Variants in DEF6 observed in about 807,000 individuals in gnomAD.
DEF6 encodes the protein differentially expressed in FDCP 6 homolog.
DEF6 carries 32 observed loss-of-function variants against 80.5 expected under a neutral mutation model. That is an observed-to-expected ratio of 0.40 (90% CI 0.30 to 0.53). The LOEUF (loss-of-function observed/expected upper bound fraction) is 0.53. Ranked by LOEUF, DEF6 falls within the 20% of genes least tolerant of loss-of-function variation. The probability of loss-of-function intolerance (pLI) is 0.57; values close to 1 mark genes in which losing one functional copy is unlikely to be tolerated. For synonymous variants in DEF6, 300 were observed against 337.9 expected (o/e 0.89, Z 1.23); for missense variants, 575 against 818.7 (o/e 0.70, Z 3.63).
At chr6:35,317,116 C>T (rs1352015987) in intron 5 of DEF6, among the ~76,000 whole-genome samples, 1 of 48,490 alleles carries the variant, frequency 2.1e-5, no homozygotes, top group East Asian at 3.7e-4. Flanking sequence ...CATTTCCTTA[C>T]CAACAGTTGT....
intron 1 of DEF6, among the ~76,000 whole-genome samples, chr6:35,308,128 A>G (rs1008915343): frequency 6.6e-6 from 1 of 152,212 alleles, no homozygotes; most frequent in Non-Finnish European, 1.5e-5. Flanking sequence ...TTTCAACCTC[A>G]GCTCTGCCAT....
At chr6:35,314,252 AC>A (rs1408247116) in intron 5 of DEF6, among the ~76,000 whole-genome samples, 1 of 152,066 alleles carries the variant, frequency 6.6e-6, no homozygotes, top group African/African-American at 2.4e-5. Flanking sequence ...TACTAAAAAT[AC>A]AAAAATCAGC....
rs757924293 is a variant in DEF6, at chr6:35,312,805, A to G, written c.807+33A>G. On this transcript the variant is annotated intron_variant, in intron 5 of 10. Transcript: ENST00000316637. The surrounding 1 kb of genome is among the most constrained non-coding windows in gnomAD (Gnocchi z 6.6). ...GCAGGATGGGGGTGGAGGACATCTC[A>G]GGGCCCAGAGTGTCCTCAGGGGCAT... 5 of 1,522,572 alleles carry G rather than the reference A, an allele frequency of 3.3e-6. No individual in the cohort carries two copies. The Admixed American group carries it at 5.4e-5, about 16-fold the overall frequency. 94.3% of individuals were successfully genotyped at this position (1,522,572 alleles called of 1,614,324 possible). A position where few individuals can be genotyped will look rare whatever the true frequency, so the allele number is the denominator to read the frequency against.
At chr6:35,313,170 TTC>T (rs561652108) in intron 5 of DEF6, among the ~76,000 whole-genome samples, 21 of 150,980 alleles carry the variant, frequency 1.4e-4, no homozygotes, top group Non-Finnish European at 1.5e-5. Flanking sequence ...TGTCTTCCCC[TTC>T]TGTTTCCTCC....
In DEF6 at chr6:35,319,799, A is replaced by G. The variant is rs1791566837; in HGVS notation, c.1383-20A>G. ...GGTGCCTTGGCACTAGAGGCTACAC[A>G]GTACACACTCACCCGGCAGACTGCT... On this transcript the variant is annotated intron_variant, in intron 8 of 10. Coordinates refer to ENST00000316637, the MANE Select transcript of DEF6 (RefSeq NM_022047.4). The surrounding 1 kb of genome is among the most constrained non-coding windows in gnomAD (Gnocchi z 4.5). The G allele has an allele frequency of 6.2e-7, 1 of 1,605,518 alleles. No homozygotes were observed.
At chr6:35,299,505 G>A (rs1791284558) in intron 1 of DEF6, among the ~76,000 whole-genome samples, 1 of 151,918 alleles carries the variant, frequency 6.6e-6, no homozygotes, top group Non-Finnish European at 1.5e-5. Context: ...CCTTTTCCTG[G>A]TGCCATCAGC....
At position 35,321,354 on chromosome 6, in the gene DEF6, C is replaced by T. The variant is rs1340880775; in HGVS notation, c.1840C>T (p.Pro614Ser). The T allele has an allele frequency of 1.2e-6, 2 of 1,614,138 alleles. No homozygotes were observed. The highest frequency in any genetic ancestry group is 1.1e-5 in the South Asian group (1 of 91,084). Residue 614 changes from proline to serine, a missense_variant, in exon 11 of 11, where the codon CCT (proline) becomes TCT (serine). Physicochemically the swap from Pro to Ser is moderately conservative, Grantham distance 74 (BLOSUM62 -1). Transcript: ENST00000316637. ...GTCCCTCAATGGTGGGGATGAGGCT[C>T]CTGCCCCGGCTTCCACCCCTCAGGA... ...QKSLNGGDEAPAPASTPQEDK... is the reference protein window; with the variant it reads ...QKSLNGGDEASAPASTPQEDK...
chr6:35,319,478 G>GC lies in DEF6; in HGVS notation c.1216-42dup. 1 of 1,507,164 alleles carries GC rather than the reference G, an allele frequency of 6.6e-7. No individual in the cohort carries two copies. Among genetic ancestry groups the GC allele is most frequent in the Non-Finnish European group, 9.0e-7 (1 of 1,114,028 alleles). The allele number at this position is 1,507,164 out of a possible 1,614,324, so 93.4% of individuals were successfully genotyped here. A position where few individuals can be genotyped will look rare whatever the true frequency, so the allele number is the denominator to read the frequency against. On this transcript the variant is annotated intron_variant, in intron 7 of 10. Coordinates refer to ENST00000316637, the MANE Select transcript of DEF6 (RefSeq NM_022047.4). The surrounding 1 kb of genome is among the most constrained non-coding windows in gnomAD (Gnocchi z 4.5). ...ACCCCCTCCTCCTCCGCCCCCACGTGCCCCTTTTGACCTGGCTCTTGGTCC... is the reference window on the plus strand; with the variant it reads ...ACCCCCTCCTCCTCCGCCCCCACGTGCCCCCTTTTGACCTGGCTCTTGGTCC...
Position 35,321,357 on chromosome 6 carries a change from G to T in DEF6, c.1843G>T (p.Ala615Ser). 1.2e-6 allele frequency: 2 copies of T among 1,614,076 alleles called. No individual in the cohort carries two copies. Among genetic ancestry groups the T allele is most frequent in the Non-Finnish European group, 1.7e-6 (2 of 1,179,990 alleles). Residue 615 changes from alanine (A) to serine (S), a missense_variant, in exon 11 of 11, where the codon GCC becomes TCC. Transcript: ENST00000316637. The stretch of plus-strand genomic sequence containing the variant: ...CCTCAATGGTGGGGATGAGGCTCCT[G>T]CCCCGGCTTCCACCCCTCAGGAAGA... The part of the protein sequence containing the change: ...KSLNGGDEAP[A>S]PASTPQEDKL...
intron 5 of DEF6, among the ~76,000 whole-genome samples, chr6:35,315,025 C>G (rs932967198): frequency 6.6e-6 from 1 of 152,162 alleles, no homozygotes; most frequent in Non-Finnish European, 1.5e-5. Context: ...ATTGAAAGGA[C>G]TGTTCTTTCC....
intron 1 of DEF6, among the ~76,000 whole-genome samples, chr6:35,298,481 G>A (rs1487641331): frequency 6.6e-6 from 1 of 152,172 alleles, no homozygotes; most frequent in East Asian, 1.9e-4. Flanking sequence ...TGCGGAGTGG[G>A]TGAGGACTGA....
In DEF6 at chr6:35,318,525, A is replaced by C. The variant is rs1791550849; in HGVS notation, c.1215+54A>C. 1 of 1,349,442 alleles carries C rather than the reference A, an allele frequency of 7.4e-7. No homozygotes were observed. The highest frequency in any genetic ancestry group is 9.5e-7 in the Non-Finnish European group (1 of 1,057,836). The allele number at this position is 1,349,442 out of a possible 1,614,324, so 83.6% of individuals were successfully genotyped here. On this transcript the variant is annotated intron_variant, in intron 7 of 10. Transcript: ENST00000316637. This position sits in a 1 kb window ranked among gnomAD's most constrained non-coding sequence, Gnocchi z 5.1. ...GGACCGGTGGGCTGGGAGGCTGGCC[A>C]GGGGCGGAGCGCCGGGGGCGGGGCC...
intron 2 of DEF6, among the ~76,000 whole-genome samples, chr6:35,310,192 G>A (rs1011758441): frequency 1.3e-5 from 2 of 152,150 alleles, no homozygotes; most frequent in African/African-American, 2.4e-5. Flanking sequence ...GCTTCCTGCT[G>A]GGTTTCTCCT....
intron 1 of DEF6, among the ~76,000 whole-genome samples, chr6:35,309,091 A>G (rs1011901076): frequency 2.0e-5 from 3 of 152,188 alleles, no homozygotes; most frequent in Non-Finnish European, 4.4e-5. Flanking sequence ...GGTGATAGGC[A>G]CACTGCAGCC....
At position 35,312,464 on chromosome 6, in the gene DEF6, G is replaced by A; in HGVS notation, c.586G>A (p.Gly196Ser). The change falls in exon 4 of 11, where the codon GGC becomes AGC. Residue 196 changes from glycine (G) to serine (S), a missense_variant. By Grantham distance (56) the Gly-to-Ser change is moderately conservative (BLOSUM62 0). Transcript: ENST00000316637. This position sits in a 1 kb window ranked among gnomAD's most constrained non-coding sequence, Gnocchi z 6.6. ...ELFNSGRCLRGVGRDTLSMAI... is the reference protein window; with the variant it reads ...ELFNSGRCLRSVGRDTLSMAI... ...CTTCAATTCGGGCCGCTGCCTGCGG[G>A]GCGTGGGCCGGGACACCCTCAGCAT... 1.2e-6 allele frequency: 2 copies of A among 1,614,170 alleles called. No homozygotes were observed. The highest frequency in any genetic ancestry group is 1.7e-6 in the Non-Finnish European group (2 of 1,180,042).
chr6:35,319,726 C>A lies in DEF6; in HGVS notation c.1382+36C>A, dbSNP rs1791565781. The A allele has an allele frequency of 1.2e-6, 2 of 1,607,674 alleles. No homozygotes were observed. Among genetic ancestry groups the A allele is most frequent in the Non-Finnish European group, 1.7e-6 (2 of 1,175,430 alleles). On this transcript the variant is annotated intron_variant, in intron 8 of 10. Coordinates refer to ENST00000316637, the MANE Select transcript of DEF6 (RefSeq NM_022047.4). This position sits in a 1 kb window ranked among gnomAD's most constrained non-coding sequence, Gnocchi z 4.5. ...GGAACCTCTTCTGGTTCTCTCACCA[C>A]CCCTCCTGGAACACACCCCAGTTTT...
intron 10 of DEF6, 68 bp downstream of exon 10, chr6:35,321,042 C>T: frequency 6.3e-7 from 1 of 1,583,332 alleles, no homozygotes; most frequent in Non-Finnish European, 8.7e-7. Flanking sequence ...AAAGGTCTCC[C>T]TGGGAGACCT....
chr6:35,304,217 A>T (rs934346979), intron 1 of DEF6, among the ~76,000 whole-genome samples: 1 of 152,208 alleles, frequency 6.6e-6, no homozygotes, highest in African/African-American at 2.4e-5. Flanking sequence ...GCTACTCAGG[A>T]GGCTGATATG....
At chr6:35,317,743 T>G in intron 5 of DEF6, 148 bp from the exon 6 acceptor site, 1 of 605,496 alleles carries the variant, frequency 1.7e-6, no homozygotes, top group Non-Finnish European at 2.8e-6. Context: ...CCATAACTTA[T>G]GATGCAAGCC....
Sources: allele counts gnomAD v4.1 joint callset (sites outside exome capture counted in the v4.1 genomes callset), GRCh38; gene constraint gnomAD v4.1.1; non-coding constraint Gnocchi (gnomAD v3.1); transcripts MANE v1.5; gene names NCBI Gene and HGNC (gene_info 2026-07-23, HGNC 2026-07-21).